LIMA1: variants seen among roughly 807,000 people sequenced by gnomAD.
LIMA1 encodes the protein LIM domain and actin-binding protein 1.
Under a neutral mutation model 62.6 loss-of-function variants are expected in LIMA1, and 52 were observed. The observed-to-expected ratio is 0.83, with a 90% CI of 0.67 to 1.05. The LOEUF (loss-of-function observed/expected upper bound fraction) is 1.05. Among genes scored for constraint, LIMA1 ranks in the 50% least tolerant of loss-of-function variants. The pLI, the probability that LIMA1 is intolerant of heterozygous loss-of-function variation, is 0.00. For synonymous variants in LIMA1, 302 were observed against 317.8 expected, an observed-to-expected ratio of 0.95 and a Z score of 0.53; for missense variants, 780 against 902.2, an observed-to-expected ratio of 0.86 and a Z score of 1.74.
intron 1 of LIMA1, among the ~76,000 whole-genome samples, chr12:50,256,696 G>T (rs1565860643): frequency 6.6e-6 from 1 of 152,006 alleles, no homozygotes; most frequent in African/African-American, 2.4e-5. Flanking sequence ...TGGGTTTCTT[G>T]GTTTCTCCAA....
rs543413128 is a variant in LIMA1, at chr12:50,207,700, G to A, written c.631-1632C>T. 1.4e-4 allele frequency among the ~76,000 whole-genome samples: 21 copies of A among 151,976 alleles called. No individual in the cohort carries two copies. The South Asian group carries it at 3.7e-3, about 27-fold the overall frequency. On this transcript the variant is annotated intron_variant, in intron 4 of 10. Transcript: ENST00000341247. ...GCTCAGGAATTTGAGACCAGACTGGGCAACATGGTGAGACCCTGTCTCTAC... is the reference window on the plus strand; with the variant it reads ...GCTCAGGAATTTGAGACCAGACTGGACAACATGGTGAGACCCTGTCTCTAC...
chr12:50,214,024 C>CCACACACACACACACACACACACACACA (rs10632810), intron 4 of LIMA1, among the ~76,000 whole-genome samples: 19 of 104,592 alleles, frequency 1.8e-4, no homozygotes, highest in African/African-American at 6.0e-4. Flanking sequence ...TATTATCTTA[C>CCACACACACACACACACACACACACACA]CACACACACA....
intron 4 of LIMA1, among the ~76,000 whole-genome samples, chr12:50,216,921 C>A (rs902928649): frequency 7.9e-5 from 12 of 152,038 alleles, no homozygotes; most frequent in Admixed American, 7.9e-4. Flanking sequence ...AATAACCTAT[C>A]TATTCATCAA....
chr12:50,246,956 A>G (rs1941858485), intron 2 of LIMA1, among the ~76,000 whole-genome samples: 1 of 152,104 alleles, frequency 6.6e-6, no homozygotes, highest in African/African-American at 2.4e-5. Flanking sequence ...CACATACTGA[A>G]TCAGAATATA....
chr12:50,270,133 G>A (rs1942188573), intron 1 of LIMA1, among the ~76,000 whole-genome samples: 2 of 149,904 alleles, frequency 1.3e-5, no homozygotes, highest in Admixed American at 6.7e-5. Flanking sequence ...ACTCGGGAAG[G>A]CTGAGGCAGG....
At chr12:50,211,924 A>G (rs570167557) in intron 4 of LIMA1, among the ~76,000 whole-genome samples, 1 of 152,222 alleles carries the variant, frequency 6.6e-6, no homozygotes, top group Non-Finnish European at 1.5e-5. Flanking sequence ...GAAAGAGAAT[A>G]GACAAGATAC....
intron 4 of LIMA1, among the ~76,000 whole-genome samples, chr12:50,218,757 A>T (rs1344420891): frequency 3.3e-5 from 5 of 152,156 alleles, no homozygotes; most frequent in Middle Eastern, 3.4e-3. Flanking sequence ...AATTTTAAAA[A>T]TTAGCTGAGA....
intron 1 of LIMA1, among the ~76,000 whole-genome samples, chr12:50,260,470 A>G (rs1942052303): frequency 6.6e-6 from 1 of 152,166 alleles, no homozygotes. Flanking sequence ...TTTCTACTCC[A>G]TGCTGGATAG....
intron 1 of LIMA1, among the ~76,000 whole-genome samples, chr12:50,267,722 G>A (rs1261044318): frequency 6.6e-6 from 1 of 151,162 alleles, no homozygotes; most frequent in East Asian, 2.0e-4. Context: ...GTTTCACCAT[G>A]TTGGCCAGGA....
At chr12:50,211,369 C>T (rs541241341) in intron 4 of LIMA1, among the ~76,000 whole-genome samples, 2 of 143,826 alleles carry the variant, frequency 1.4e-5, no homozygotes, top group East Asian at 2.1e-4. Context: ...CAAGGCTGGG[C>T]GTGGTAGCTC....
intron 6 of LIMA1, chr12:50,201,180 T>C: frequency 2.7e-6 from 3 of 1,096,518 alleles, no homozygotes; most frequent in Non-Finnish European, 3.3e-6. Context: ...ACAACATTCT[T>C]GTGATTCACT....
chr12:50,179,828 C>A (rs373143376), intron 10 of LIMA1, among the ~76,000 whole-genome samples: 1 of 151,850 alleles, frequency 6.6e-6, no homozygotes, highest in African/African-American at 2.4e-5. Flanking sequence ...GCAGCCTTGA[C>A]CTCCAGGGCT....
rs189195825 is a variant in LIMA1, at chr12:50,182,777, G to A, written c.1141-740C>T. 2.2e-3 allele frequency among the ~76,000 whole-genome samples: 337 copies of A among 152,322 alleles called. 2 individuals carry two copies. Among genetic ancestry groups the A allele is most frequent in the African/African-American group, 7.7e-3 (319 of 41,572 alleles). On this transcript the variant is annotated intron_variant, in intron 9 of 10. Coordinates refer to ENST00000341247, the MANE Select transcript of LIMA1 (RefSeq NM_016357.5). ...ATGACTGGGAATTCATGAACTGTTT[G>A]TAAAGTTGGAACAAACATGGGCACA...
intron 1 of LIMA1, among the ~76,000 whole-genome samples, chr12:50,274,979 T>C (rs895806976): frequency 1.3e-5 from 2 of 152,170 alleles, no homozygotes. Flanking sequence ...GCTAAAGGAT[T>C]TTAATTTTAT....
At chr12:50,246,943 C>A (rs796420164) in intron 2 of LIMA1, among the ~76,000 whole-genome samples, 4 of 152,250 alleles carry the variant, frequency 2.6e-5, no homozygotes, top group African/African-American at 9.6e-5. Flanking sequence ...TGGACTCTAT[C>A]CACACATACT....
intron 3 of LIMA1, among the ~76,000 whole-genome samples, chr12:50,223,929 T>C (rs1286776234): frequency 2.6e-5 from 4 of 151,752 alleles, no homozygotes; most frequent in Non-Finnish European, 4.4e-5. Context: ...TCCCAGCTAC[T>C]CAGGAGGCTG....
chr12:50,218,903 A>AC (rs1941395373), intron 4 of LIMA1, among the ~76,000 whole-genome samples: 1 of 148,000 alleles, frequency 6.8e-6, no homozygotes, highest in African/African-American at 2.5e-5. Flanking sequence ...CATAAAAAAA[A>AC]AAAAAACAAA....
intron 1 of LIMA1, among the ~76,000 whole-genome samples, 152 bp downstream of exon 1, chr12:50,283,268 G>A (rs1442034632): frequency 6.6e-6 from 1 of 151,332 alleles, no homozygotes; most frequent in Non-Finnish European, 1.5e-5. Flanking sequence ...AGGAAAGAAC[G>A]GAGGATCAGC....
chr12:50,277,573 GA>G (rs1409447057), intron 1 of LIMA1, among the ~76,000 whole-genome samples: 5 of 152,134 alleles, frequency 3.3e-5, no homozygotes, highest in African/African-American at 1.2e-4. Flanking sequence ...ACTTGTCCAA[GA>G]TCACCTGATT....
Sources: allele counts gnomAD v4.1 joint callset (sites outside exome capture counted in the v4.1 genomes callset), GRCh38; gene constraint gnomAD v4.1.1; transcripts MANE v1.5; gene names NCBI Gene and HGNC (gene_info 2026-07-23, HGNC 2026-07-21).